The following RPS6KA2 variants were observed in gnomAD, a reference collection of about 807,000 sequenced individuals.
RPS6KA2 encodes ribosomal protein S6 kinase A2.
Under a neutral mutation model 91.8 loss-of-function variants are expected in RPS6KA2, and 42 were observed. The observed-to-expected ratio is 0.46, with a 90% CI of 0.36 to 0.59. The LOEUF is 0.59. RPS6KA2 is among the 20% of genes least tolerant of loss of function. The probability of loss-of-function intolerance (pLI) is 0.00; values close to 1 mark genes in which losing one functional copy is unlikely to be tolerated. For synonymous variants in RPS6KA2, 414 were observed against 393.6 expected (o/e 1.05, Z -0.61); for missense variants, 798 against 978.5 (o/e 0.82, Z 2.46).
At chr6:166,438,927 A>C (rs1779430176) in intron 14 of RPS6KA2, among the ~76,000 whole-genome samples, 1 of 152,230 alleles carries the variant, frequency 6.6e-6, no homozygotes, top group Non-Finnish European at 1.5e-5. Flanking sequence ...AAAAAAAAAA[A>C]ATTCTCAATG....
intron 2 of RPS6KA2, among the ~76,000 whole-genome samples, chr6:166,742,598 G>A (rs759649142): frequency 1.3e-5 from 2 of 152,180 alleles, no homozygotes; most frequent in African/African-American, 4.8e-5. Flanking sequence ...GCTCTAAGCT[G>A]TACTGCATCC....
At chr6:166,840,267 A>G (rs1269874370) in intron 2 of RPS6KA2, among the ~76,000 whole-genome samples, 1 of 151,990 alleles carries the variant, frequency 6.6e-6, no homozygotes, top group African/African-American at 2.4e-5. Flanking sequence ...AATCCACTGG[A>G]CCAGAACCTG....
At position 166,534,297 on chromosome 6, in the gene RPS6KA2, G is replaced by A. The variant is rs1783410009; in HGVS notation, c.217-2984C>T. On this transcript the variant is annotated intron_variant, in intron 2 of 20. Coordinates refer to ENST00000265678, the MANE Select transcript of RPS6KA2 (RefSeq NM_021135.6). ...GTGTGGTGGTTGGTGGTGCGTGCCT[G>A]TAGGCCCAGCTATCCGGGAGGCTGA... 2.6e-5 allele frequency among the ~76,000 whole-genome samples: 4 copies of A among 151,618 alleles called. No homozygotes were observed. The South Asian group carries it at 8.4e-4, about 32-fold the overall frequency.
At chr6:166,654,102 T>C (rs1344870416) in intron 2 of RPS6KA2, among the ~76,000 whole-genome samples, 1 of 152,232 alleles carries the variant, frequency 6.6e-6, no homozygotes, top group Non-Finnish European at 1.5e-5. Flanking sequence ...TCCATCATAT[T>C]GGTCAAGCTT....
intron 1 of RPS6KA2, among the ~76,000 whole-genome samples, chr6:166,605,819 G>A (rs1377100687): frequency 6.6e-6 from 1 of 152,220 alleles, no homozygotes; most frequent in Non-Finnish European, 1.5e-5. Context: ...GTTTTCTGTA[G>A]TGATAAGACC....
intron 2 of RPS6KA2, among the ~76,000 whole-genome samples, chr6:166,807,262 G>A (rs906731614): frequency 2.6e-5 from 4 of 152,180 alleles, no homozygotes; most frequent in African/African-American, 9.7e-5. Context: ...TCCATCCTCA[G>A]TTCTCATCTT....
chr6:166,609,539 C>G (rs1228707054), intron 1 of RPS6KA2, among the ~76,000 whole-genome samples: 1 of 144,462 alleles, frequency 6.9e-6, no homozygotes, highest in Non-Finnish European at 1.5e-5. Context: ...CAGAGTTTTG[C>G]TCTTGTTGCC....
At chr6:166,427,802 G>C (rs1232444926) in intron 16 of RPS6KA2, among the ~76,000 whole-genome samples, 1 of 152,072 alleles carries the variant, frequency 6.6e-6, no homozygotes, top group Admixed American at 6.6e-5. Flanking sequence ...GAAATAAAAG[G>C]ATACAAACAA....
chr6:166,701,301 A>T, intron 2 of RPS6KA2: 12 of 1,602,486 alleles, frequency 7.5e-6, no homozygotes, highest in Non-Finnish European at 9.3e-6. Context: ...TCTGAAGTTC[A>T]TTCACCGTTT....
At chr6:166,606,128 G>C (rs1272655197) in intron 1 of RPS6KA2, among the ~76,000 whole-genome samples, 1 of 152,206 alleles carries the variant, frequency 6.6e-6, no homozygotes, top group African/African-American at 2.4e-5. Context: ...CAAGGATGCA[G>C]TTCCAACTCC....
In RPS6KA2 at chr6:166,550,147, A is replaced by T. The variant is rs149872261; in HGVS notation, c.100-11363T>A. On this transcript the variant is annotated intron_variant, in intron 1 of 20. Coordinates refer to ENST00000265678, the MANE Select transcript of RPS6KA2 (RefSeq NM_021135.6). ...ATTAGAAGTGATAGTATTAGAAAAT[A>T]TAAATGATTAATTTTCTCCCCTTTG... Among the ~76,000 whole-genome samples, 9 of 152,354 alleles carry T rather than the reference A, an allele frequency of 5.9e-5. No individual in the cohort carries two copies. In the East Asian group the frequency reaches 1.5e-3, roughly 26 times the overall value.
intron 1 of RPS6KA2, chr6:166,586,236 T>C: frequency 6.3e-7 from 1 of 1,594,538 alleles, no homozygotes; most frequent in Non-Finnish European, 8.5e-7. Context: ...TCCATGCCAC[T>C]GATTGGATCG....
At chr6:166,685,361 T>A (rs569629746) in intron 2 of RPS6KA2, among the ~76,000 whole-genome samples, 1 of 152,082 alleles carries the variant, frequency 6.6e-6, no homozygotes, top group South Asian at 2.1e-4. Flanking sequence ...GGGGTGTGTG[T>A]GCAGGCTGGG....
At chr6:166,413,703 C>G (rs1778398041) in intron 20 of RPS6KA2, 91 bp downstream of exon 20, 1 of 1,393,284 alleles carries the variant, frequency 7.2e-7, no homozygotes, top group Admixed American at 2.1e-5. Context: ...TCTCTGCACT[C>G]TGTGGTTTCT....
rs148311571 is a variant in RPS6KA2, at chr6:166,618,525, C to T, written c.99+8396G>A. On this transcript the variant is annotated intron_variant, in intron 1 of 20. Transcript: ENST00000265678. ...GAGAGGTGACCTGGAGGGAGGTCAG[C>T]GTGGGCAGGGGTGAGACCAAGGAAA... 2.2e-3 allele frequency among the ~76,000 whole-genome samples: 342 copies of T among 152,162 alleles called. 3 individuals carry two copies. Among genetic ancestry groups the T allele is most frequent in the African/African-American group, 8.0e-3 (332 of 41,516 alleles).
At chr6:166,624,522 T>A (rs915353006) in intron 1 of RPS6KA2, among the ~76,000 whole-genome samples, 1 of 152,184 alleles carries the variant, frequency 6.6e-6, no homozygotes, top group African/African-American at 2.4e-5. Flanking sequence ...GAAGAGGAAC[T>A]TACTGGACTG....
intron 2 of RPS6KA2, chr6:166,702,849 T>C: frequency 1.0e-6 from 1 of 965,420 alleles, no homozygotes; most frequent in African/African-American, 1.7e-5. Flanking sequence ...TTGTGAAGAA[T>C]GGTTGTTTAA....
intron 2 of RPS6KA2, among the ~76,000 whole-genome samples, chr6:166,857,163 C>A (rs980457901): frequency 6.6e-6 from 1 of 152,194 alleles, no homozygotes; most frequent in African/African-American, 2.4e-5. Flanking sequence ...TGAAACGTAG[C>A]GTTCAGCATC....
At chr6:166,544,433 T>A (rs1251998722) in intron 1 of RPS6KA2, among the ~76,000 whole-genome samples, 1 of 152,110 alleles carries the variant, frequency 6.6e-6, no homozygotes, top group Non-Finnish European at 1.5e-5. Context: ...CGGCCTTTGG[T>A]TACCAGGAAA....
Sources: allele counts gnomAD v4.1 joint callset (sites outside exome capture counted in the v4.1 genomes callset), GRCh38; gene constraint gnomAD v4.1.1; transcripts MANE v1.5; gene names NCBI Gene and HGNC (gene_info 2026-07-23, HGNC 2026-07-21).